IQSEC1: variants seen among roughly 807,000 people sequenced by gnomAD.
The protein encoded by IQSEC1 is IQ motif and SEC7 domain-containing protein 1.
IQSEC1 carries 31 observed loss-of-function variants against 91.0 expected under a neutral mutation model. The observed-to-expected ratio is 0.34, with a 90% CI of 0.26 to 0.46. IQSEC1 has a LOEUF of 0.46. Ranked by LOEUF, IQSEC1 falls within the 20% of genes least tolerant of loss-of-function variation. The pLI, the probability that IQSEC1 is intolerant of heterozygous loss-of-function variation, is 1.00. For missense variants in IQSEC1, 1,388 were observed against 1,575.6 expected (o/e 0.88, Z 2.02); for synonymous variants, 699 against 662.6 (o/e 1.05, Z -0.84).
chr3:13,116,865 C>G (rs1706344449), intron 2 of IQSEC1, among the ~76,000 whole-genome samples: 1 of 152,094 alleles, frequency 6.6e-6, no homozygotes, highest in African/African-American at 2.4e-5. Flanking sequence ...AGTGTAAGAG[C>G]TAGGACAATA....
intron 1 of IQSEC1, among the ~76,000 whole-genome samples, chr3:13,197,983 G>A (rs1004973749): frequency 3.9e-5 from 6 of 152,218 alleles, no homozygotes; most frequent in African/African-American, 1.4e-4. Context: ...CCGGCCTCCC[G>A]AGGCCTCTCT....
chr3:13,053,721 A>T (rs1704778381), intron 1 of IQSEC1, among the ~76,000 whole-genome samples: 1 of 152,218 alleles, frequency 6.6e-6, no homozygotes, highest in South Asian at 2.1e-4. Flanking sequence ...AGACTGCTAC[A>T]GACCCTGGAA....
At chr3:13,025,937 C>G (rs937837975) in intron 1 of IQSEC1, among the ~76,000 whole-genome samples, 1 of 152,240 alleles carries the variant, frequency 6.6e-6, no homozygotes, top group Non-Finnish European at 1.5e-5. Flanking sequence ...CTGAGCCCTC[C>G]CAGATCTCCA....
At chr3:13,009,921 CTT>C (rs1702804602) in intron 1 of IQSEC1, among the ~76,000 whole-genome samples, 1 of 152,188 alleles carries the variant, frequency 6.6e-6, no homozygotes, top group Non-Finnish European at 1.5e-5. Context: ...TCTTCAAACT[CTT>C]TGCTGATTGC....
intron 5 of IQSEC1, among the ~76,000 whole-genome samples, chr3:12,920,880 G>A: frequency 6.6e-6 from 1 of 152,210 alleles, no homozygotes; most frequent in South Asian, 2.1e-4. Context: ...TTCAGCCCAT[G>A]GGATGTGAAC....
chr3:12,980,350 A>G (rs1701390187), intron 1 of IQSEC1, among the ~76,000 whole-genome samples: 1 of 152,208 alleles, frequency 6.6e-6, no homozygotes, highest in Admixed American at 6.5e-5. Flanking sequence ...ACCTGACCCC[A>G]CGAACTAAAA....
intron 1 of IQSEC1, among the ~76,000 whole-genome samples, chr3:12,949,910 G>A (rs1699427967): frequency 6.6e-6 from 1 of 152,178 alleles, no homozygotes; most frequent in African/African-American, 2.4e-5. Flanking sequence ...AGGAGCTTCA[G>A]ACAGCTAGCA....
chr3:13,202,241 T>C (rs999064663), intron 1 of IQSEC1, among the ~76,000 whole-genome samples: 3 of 152,234 alleles, frequency 2.0e-5, no homozygotes, highest in Admixed American at 1.3e-4. Flanking sequence ...AAAACCAGTA[T>C]GGTGGTTCCT....
intron 3 of IQSEC1, among the ~76,000 whole-genome samples, chr3:12,930,696 C>A (rs967010625): frequency 6.6e-6 from 1 of 152,150 alleles, no homozygotes; most frequent in Non-Finnish European, 1.5e-5. Context: ...TTTTCAGGTC[C>A]GTGAACCAGT....
At position 13,211,245 on chromosome 3, in the gene IQSEC1, C is replaced by T. The variant is rs1419687321; in HGVS notation, c.273-47112G>A. Among the ~76,000 whole-genome samples, 2 of 152,188 alleles carry T rather than the reference C, an allele frequency of 1.3e-5. No homozygotes were observed. The highest frequency in any genetic ancestry group is 6.5e-5 in the Admixed American group (1 of 15,290). On this transcript the variant is annotated intron_variant, in intron 1 of 15. Transcript: ENST00000648114. This position sits in a 1 kb window ranked among gnomAD's most constrained non-coding sequence, Gnocchi z 5.3. ...GCCTCTGCTTTCACACCTGTGATGA[C>T]GGGGGTCTCACCACCTCCTCGACAG...
chr3:13,220,642 C>T (rs929427502), intron 1 of IQSEC1, among the ~76,000 whole-genome samples: 1 of 152,254 alleles, frequency 6.6e-6, no homozygotes, highest in Admixed American at 6.5e-5. Context: ...CGCTGACTTG[C>T]TCCTCTGGTT....
rs544764013 is a variant in IQSEC1 at position 12,955,069 on chromosome 3, G to A, written c.24-13204C>T. On this transcript the variant is annotated intron_variant, in intron 1 of 13. Coordinates refer to ENST00000613206, the MANE Select transcript of IQSEC1 (RefSeq NM_001134382.3). ...GCGCAGCCCAGCCTGGCAGAGCCCC[G>A]TGACTCTGGAGCTGTGTCCACAGCC... is the stretch of plus-strand genomic sequence containing the variant. Among the ~76,000 whole-genome samples the A allele has an allele frequency of 7.9e-5, 12 of 152,338 alleles. No homozygotes were observed. In the South Asian group the frequency reaches 1.2e-3, roughly 16 times the overall value.
chr3:12,916,133 C>T (rs931496718), intron 6 of IQSEC1, among the ~76,000 whole-genome samples: 1 of 152,136 alleles, frequency 6.6e-6, no homozygotes, highest in Non-Finnish European at 1.5e-5. Context: ...GTTTGGGCTC[C>T]GATGGACCTG....
intron 2 of IQSEC1, among the ~76,000 whole-genome samples, chr3:13,084,415 C>T (rs1576242525): frequency 6.6e-6 from 1 of 152,302 alleles, no homozygotes; most frequent in African/African-American, 2.4e-5. Flanking sequence ...CCTGTTCATT[C>T]ATTCATCCAA....
chr3:12,909,328 A>G lies in IQSEC1; in HGVS notation c.2523T>C (p.Asp841=). 4 of 1,614,216 alleles carry G rather than the reference A, an allele frequency of 2.5e-6. No homozygotes were observed. The highest frequency in any genetic ancestry group is 3.4e-6 in the Non-Finnish European group (4 of 1,180,034). ...PNPQDRKKFT[D]DLRESIAEVQ... is the part of the protein sequence containing the mutation. The stretch of plus-strand genomic sequence containing the variant: ...CTTCCGCAATGGACTCCCGCAGGTC[A>G]TCGGTGAATTTCTTCCGGTCTTGAG... Residue 841 remains aspartate, a synonymous_variant, in exon 11 of 14, where the codon GAT becomes GAC. Coordinates refer to ENST00000613206, the MANE Select transcript of IQSEC1 (RefSeq NM_001134382.3). This position sits in a 1 kb window ranked among gnomAD's most constrained non-coding sequence, Gnocchi z 4.9.
chr3:12,943,510 A>G (rs371150080), intron 1 of IQSEC1, among the ~76,000 whole-genome samples: 5 of 152,280 alleles, frequency 3.3e-5, no homozygotes, highest in South Asian at 2.1e-4. Flanking sequence ...CTGGGCTAGA[A>G]GGACCCTGAA....
chr3:13,226,256 GA>G (rs557192785), intron 1 of IQSEC1, among the ~76,000 whole-genome samples: 3 of 152,170 alleles, frequency 2.0e-5, no homozygotes, highest in Non-Finnish European at 4.4e-5. Flanking sequence ...TGTCTGCCTG[GA>G]TTTGAATCCC....
At chr3:13,043,792 C>T (rs768108264) in intron 1 of IQSEC1, among the ~76,000 whole-genome samples, 11 of 152,220 alleles carry the variant, frequency 7.2e-5, no homozygotes, top group Admixed American at 3.3e-4. Context: ...AGGCACCACA[C>T]TCACCCCCTC....
intron 2 of IQSEC1, among the ~76,000 whole-genome samples, chr3:13,123,714 G>A (rs1195310708): frequency 1.3e-5 from 2 of 152,206 alleles, no homozygotes; most frequent in Non-Finnish European, 2.9e-5. Context: ...GGTGAAGCAG[G>A]TTGCTCAGGA....
Sources: gnomAD v4.1 joint callset for allele counts (sites outside exome capture counted in the v4.1 genomes callset) on GRCh38, gnomAD v4.1.1 for gene constraint, Gnocchi (gnomAD v3.1) non-coding constraint, MANE v1.5 for transcripts, NCBI Gene and HGNC (gene_info 2026-07-23, HGNC 2026-07-21) for gene names.